PTPRD: variants seen among roughly 807,000 people sequenced by gnomAD.
PTPRD encodes the protein receptor-type tyrosine-protein phosphatase delta.
Under a neutral mutation model 214.5 loss-of-function variants are expected in PTPRD, and 34 were observed. The observed-to-expected ratio is 0.16, with a 90% CI of 0.12 to 0.21. The LOEUF (loss-of-function observed/expected upper bound fraction) is 0.21, where lower values mean the gene tolerates loss of function less well. Ranked by LOEUF, PTPRD falls within the 10% of genes least tolerant of loss-of-function variation. The pLI is 1.00. For synonymous variants in PTPRD, 1,128 were observed against 845.7 expected (o/e 1.33, Z -5.79); for missense variants, 2,545 against 2,398.7 (o/e 1.06, Z -1.27).
chr9:9,357,484 T>C (rs983503398), intron 9 of PTPRD, among the ~76,000 whole-genome samples: 6 of 151,248 alleles, frequency 4.0e-5, no homozygotes, highest in African/African-American at 1.5e-4. Context: ...GAACTTTGAA[T>C]GGCGTTAGTC....
chr9:8,470,839 A>T (rs2096638747), intron 31 of PTPRD, among the ~76,000 whole-genome samples, 156 bp downstream of exon 31: 1 of 152,138 alleles, frequency 6.6e-6, no homozygotes, highest in African/African-American at 2.4e-5. Context: ...TGGGATCCCC[A>T]GGGGTTAGCA....
chr9:10,558,644 G>A (rs940912836), intron 2 of PTPRD, among the ~76,000 whole-genome samples: 1 of 152,104 alleles, frequency 6.6e-6, no homozygotes, highest in African/African-American at 2.4e-5. Context: ...CTACCTACCA[G>A]ACTATTTGGT....
intron 11 of PTPRD, among the ~76,000 whole-genome samples, chr9:8,881,302 C>T (rs1221351083): frequency 6.6e-6 from 1 of 152,118 alleles, no homozygotes; most frequent in Non-Finnish European, 1.5e-5. Flanking sequence ...CCATTAATAA[C>T]CAATAGGAAA....
intron 9 of PTPRD, among the ~76,000 whole-genome samples, chr9:9,276,880 G>C (rs1317033676): frequency 2.6e-5 from 4 of 151,328 alleles, no homozygotes; most frequent in Non-Finnish European, 4.4e-5. Context: ...TTTGCCTCTT[G>C]ATGTGTCGTG....
At chr9:9,998,633 T>G (rs968091549) in intron 4 of PTPRD, among the ~76,000 whole-genome samples, 1 of 151,592 alleles carries the variant, frequency 6.6e-6, no homozygotes, top group South Asian at 2.1e-4. Context: ...TGTGGCAGGA[T>G]CACTGTCCTC....
At chr9:9,500,355 A>G (rs1203453372) in intron 8 of PTPRD, among the ~76,000 whole-genome samples, 1 of 152,108 alleles carries the variant, frequency 6.6e-6, no homozygotes, top group Non-Finnish European at 1.5e-5. Flanking sequence ...ATGATTTTTG[A>G]AGGATAACAA....
chr9:9,721,384 G>T (rs1230127937), intron 7 of PTPRD, among the ~76,000 whole-genome samples: 1 of 152,120 alleles, frequency 6.6e-6, no homozygotes, highest in African/African-American at 2.4e-5. Context: ...TTTAATGAGA[G>T]AGAGAAAATA....
intron 7 of PTPRD, among the ~76,000 whole-genome samples, chr9:9,591,732 C>G (rs2092751027): frequency 6.6e-6 from 1 of 151,944 alleles, no homozygotes; most frequent in Non-Finnish European, 1.5e-5. Context: ...TGGGATGTTT[C>G]CATATGAGTT....
chr9:8,508,363 T>A (rs1474005014), intron 21 of PTPRD, among the ~76,000 whole-genome samples: 4 of 152,222 alleles, frequency 2.6e-5, no homozygotes, highest in African/African-American at 9.6e-5. Context: ...TTCCCCTCTA[T>A]CCATTATACA....
At chr9:10,239,842 T>A (rs62539664) in intron 3 of PTPRD, among the ~76,000 whole-genome samples, 4,394 of 151,932 alleles carry the variant, frequency 0.029, 129 homozygotes, top group Non-Finnish European at 0.041. Flanking sequence ...TGCCCCTCAG[T>A]CTCCCCTGAG....
chr9:8,764,373 G>T (rs1322472369), intron 11 of PTPRD, among the ~76,000 whole-genome samples: 1 of 152,122 alleles, frequency 6.6e-6, no homozygotes, highest in Non-Finnish European at 1.5e-5. Context: ...TGGTTTCAAG[G>T]CATTTACCTT....
intron 7 of PTPRD, among the ~76,000 whole-genome samples, chr9:9,577,786 C>T (rs575897838): frequency 6.6e-6 from 1 of 151,944 alleles, no homozygotes; most frequent in African/African-American, 2.4e-5. Flanking sequence ...TGGCTCACGC[C>T]TGTAATCCCA....
At chr9:8,380,657 A>G (rs2084759849) in intron 37 of PTPRD, among the ~76,000 whole-genome samples, 1 of 152,192 alleles carries the variant, frequency 6.6e-6, no homozygotes, top group Non-Finnish European at 1.5e-5. Flanking sequence ...AATCAAGTTG[A>G]TGGAATAATA....
intron 14 of PTPRD, among the ~76,000 whole-genome samples, chr9:8,611,768 AGGAGG>A (rs143058348): frequency 0.31 from 43,036 of 139,110 alleles, 9,457 homozygotes; most frequent in African/African-American, 0.63. Flanking sequence ...AAGAAAAGAA[AGGAGG>A]GGAGGGGAGG....
At chr9:8,531,426 T>C (rs900683675) in intron 14 of PTPRD, among the ~76,000 whole-genome samples, 1 of 152,100 alleles carries the variant, frequency 6.6e-6, no homozygotes. Context: ...ACACACGTTA[T>C]GTTATTAAAT....
intron 4 of PTPRD, among the ~76,000 whole-genome samples, chr9:9,961,128 GATATCACTTGTAT>G (rs1279143086): frequency 2.6e-5 from 4 of 152,034 alleles, no homozygotes; most frequent in African/African-American, 9.7e-5. Flanking sequence ...ATGAATTACT[GATATCACTTGTAT>G]ATACATATAT....
chr9:9,362,148 A>T (rs1195168849), intron 9 of PTPRD, among the ~76,000 whole-genome samples: 1 of 151,088 alleles, frequency 6.6e-6, no homozygotes, highest in Non-Finnish European at 1.5e-5. Context: ...CAAGTCAGTA[A>T]CACAGGGAGG....
intron 2 of PTPRD, among the ~76,000 whole-genome samples, chr9:10,445,525 T>C (rs113734356): frequency 0.014 from 2,161 of 152,218 alleles, 40 homozygotes; most frequent in African/African-American, 0.046. Flanking sequence ...TTGAGAAATA[T>C]ATAGAAGATC....
In PTPRD at chr9:8,640,289, C is replaced by G. The variant is rs146548313; in HGVS notation, c.65-3445G>C. ...TATGCCACCCAGGAGGCAGAGGTTG[C>G]AGTGAGCCGAGATCACGCCACTGCA... On this transcript the variant is annotated intron_variant, in intron 12 of 45. Coordinates refer to ENST00000381196, the MANE Select transcript of PTPRD (RefSeq NM_002839.4). Among the ~76,000 whole-genome samples, 694 of 152,140 alleles carry G rather than the reference C, an allele frequency of 4.6e-3. 10 individuals are homozygous for G. The highest frequency in any genetic ancestry group is 6.8e-3 in the Middle Eastern group (2 of 294).
Sources: allele counts gnomAD v4.1 joint callset (sites outside exome capture counted in the v4.1 genomes callset), GRCh38; gene constraint gnomAD v4.1.1; transcripts MANE v1.5; gene names NCBI Gene and HGNC (gene_info 2026-07-23, HGNC 2026-07-21).